LARGE1: variants seen among roughly 807,000 people sequenced by gnomAD.
LARGE1 encodes LARGE xylosyl- and glucuronyltransferase 1.
A neutral mutation model predicts 87.6 loss-of-function variants in LARGE1; 43 were observed. That is an observed-to-expected ratio of 0.49 (90% CI 0.38 to 0.63). The LOEUF (loss-of-function observed/expected upper bound fraction) is 0.63. LARGE1 is among the 30% of genes least tolerant of loss of function. LARGE1 has a pLI of 0.00. For synonymous variants in LARGE1, 434 were observed against 394.6 expected (o/e 1.10, Z -1.18); for missense variants, 802 against 1,000.2 (o/e 0.80, Z 2.67).
chr22:33,318,069 T>C (rs962528495), intron 10 of LARGE1, among the ~76,000 whole-genome samples: 3 of 151,528 alleles, frequency 2.0e-5, no homozygotes, highest in Admixed American at 6.6e-5. Flanking sequence ...ACCCCGTCTC[T>C]ACTAAAAACA....
chr22:33,593,752 C>T (rs540830508), intron 5 of LARGE1, among the ~76,000 whole-genome samples: 5 of 152,244 alleles, frequency 3.3e-5, no homozygotes, highest in East Asian at 3.9e-4. Context: ...CAGGTTGAAA[C>T]GATACTATTT....
At chr22:33,158,636 A>T (rs1442744987), downstream of LARGE1, among the ~76,000 whole-genome samples, 1 of 152,200 alleles carries the variant, frequency 6.6e-6, no homozygotes, top group African/African-American at 2.4e-5. Context: ...TGGGAATTGT[A>T]GGTAACTGTA....
At chr22:33,366,024 T>C (rs2064576903) in intron 9 of LARGE1, among the ~76,000 whole-genome samples, 1 of 152,256 alleles carries the variant, frequency 6.6e-6, no homozygotes, top group African/African-American at 2.4e-5. Flanking sequence ...GTTGAATACA[T>C]ACTTCTCCAT....
At chr22:33,111,968 G>A in the LARGE1 span, among the ~76,000 whole-genome samples, 1 of 152,164 alleles carries the variant, frequency 6.6e-6, no homozygotes, top group African/African-American at 2.4e-5. Context: ...CAATATAGCT[G>A]GAACGTAGAA....
At chr22:33,101,059 G>A in the LARGE1 span, among the ~76,000 whole-genome samples, 1 of 152,018 alleles carries the variant, frequency 6.6e-6, no homozygotes, top group Admixed American at 6.6e-5. Context: ...TGGTCAGGCT[G>A]GTCTCGAACT....
At chr22:33,405,209 T>C (rs2066055974) in intron 7 of LARGE1, among the ~76,000 whole-genome samples, 1 of 152,246 alleles carries the variant, frequency 6.6e-6, no homozygotes, top group Non-Finnish European at 1.5e-5. Context: ...CCAAGTGCCG[T>C]CTTTGCCAGT....
intron 7 of LARGE1, among the ~76,000 whole-genome samples, chr22:33,401,538 A>G (rs1310870252): frequency 6.6e-6 from 1 of 152,200 alleles, no homozygotes; most frequent in Non-Finnish European, 1.5e-5. Context: ...ATTTCTGTTT[A>G]GAGAGTGGTA....
At chr22:33,704,742 T>G (rs1212792952) in intron 2 of LARGE1, 1 of 152,340 alleles carries the variant, frequency 6.6e-6, no homozygotes, top group East Asian at 1.9e-4. Flanking sequence ...CTTTATGCAC[T>G]CACACACCCC....
chr22:33,707,527 G>A (rs2082598391), intron 2 of LARGE1, among the ~76,000 whole-genome samples: 2 of 152,228 alleles, frequency 1.3e-5, no homozygotes, highest in South Asian at 2.1e-4. Flanking sequence ...AAGCACACAC[G>A]CATCATGCTC....
At chr22:33,695,159 A>G (rs1315211682) in intron 2 of LARGE1, among the ~76,000 whole-genome samples, 1 of 145,914 alleles carries the variant, frequency 6.9e-6, no homozygotes, top group African/African-American at 2.6e-5. Flanking sequence ...GCTGGAGTGC[A>G]GCAGCAAGAC....
chr22:33,831,749 T>TACACACACAC (rs5845118), intron 1 of LARGE1, among the ~76,000 whole-genome samples: 2,101 of 146,824 alleles, frequency 0.014, 37 homozygotes, highest in African/African-American at 0.044. Flanking sequence ...CACATGCATG[T>TACACACACAC]ACACACACAC....
intron 6 of LARGE1, among the ~76,000 whole-genome samples, chr22:33,445,387 G>A (rs1288641231): frequency 6.6e-6 from 1 of 152,186 alleles, no homozygotes; most frequent in African/African-American, 2.4e-5. Flanking sequence ...GGTCCAGAAT[G>A]CTGAAAGGTG....
At chr22:33,472,128 A>C (rs1338757897) in intron 6 of LARGE1, among the ~76,000 whole-genome samples, 10 of 152,156 alleles carry the variant, frequency 6.6e-5, no homozygotes, top group Non-Finnish European at 1.5e-4. Flanking sequence ...TTACAGCTGG[A>C]GCTGAGCAGG....
At chr22:33,279,060 C>T (rs923923364) in intron 13 of LARGE1, among the ~76,000 whole-genome samples, 1 of 152,124 alleles carries the variant, frequency 6.6e-6, no homozygotes, top group African/African-American at 2.4e-5. Context: ...CACTTCCTGG[C>T]CTGTTGAACG....
chr22:33,191,807 C>A (rs1923793984), intron 11 of LARGE1, among the ~76,000 whole-genome samples: 1 of 101,116 alleles, frequency 9.9e-6, no homozygotes, highest in South Asian at 3.0e-4. Flanking sequence ...TATTTAAAAT[C>A]ATAAAAATTT....
chr22:33,764,028 T>G (rs2084820846), intron 1 of LARGE1, among the ~76,000 whole-genome samples: 2 of 151,854 alleles, frequency 1.3e-5, no homozygotes, highest in African/African-American at 4.8e-5. Context: ...TTTTGTATTT[T>G]CAGTAGAGAT....
At chr22:33,580,734 A>AG (rs2078495061) in intron 5 of LARGE1, among the ~76,000 whole-genome samples, 2 of 152,206 alleles carry the variant, frequency 1.3e-5, no homozygotes, top group South Asian at 4.1e-4. Context: ...GGGATGAGAA[A>AG]GGGGAGTTTC....
chr22:33,807,372 T>C (rs73882303), intron 1 of LARGE1, among the ~76,000 whole-genome samples: 3,612 of 152,220 alleles, frequency 0.024, 129 homozygotes, highest in African/African-American at 0.083. Context: ...TTTTTAAAAA[T>C]AGACTTTATT....
intron 4 of LARGE1, among the ~76,000 whole-genome samples, chr22:33,616,562 T>C (rs2079587783): frequency 6.6e-6 from 1 of 150,736 alleles, no homozygotes; most frequent in African/African-American, 2.4e-5. Context: ...TGGAAAAAAC[T>C]GAAATGGCCA....
Sources: gnomAD v4.1 joint callset for allele counts (sites outside exome capture counted in the v4.1 genomes callset) on GRCh38, gnomAD v4.1.1 for gene constraint, MANE v1.5 for transcripts, NCBI Gene and HGNC (gene_info 2026-07-23, HGNC 2026-07-21) for gene names.